Variants in GRAMD1B observed in about 807,000 individuals in gnomAD.
The protein encoded by GRAMD1B is GRAM domain containing 1B, also known as protein Aster-B.
In GRAMD1B, 37 loss-of-function variants were observed where a neutral mutation model predicts 99.7. That is an observed-to-expected ratio of 0.37 (90% CI 0.29 to 0.49). GRAMD1B has a LOEUF of 0.49. GRAMD1B is among the 20% of genes least tolerant of loss of function. The pLI, the probability that GRAMD1B is intolerant of heterozygous loss-of-function variation, is 0.98. For synonymous variants in GRAMD1B, 427 were observed against 387.6 expected, an observed-to-expected ratio of 1.10 and a Z score of -1.19; for missense variants, 888 against 1,009.2, an observed-to-expected ratio of 0.88 and a Z score of 1.63.
At chr11:123,442,349 G>A (rs917321660) in intron 1 of GRAMD1B, among the ~76,000 whole-genome samples, 13 of 152,130 alleles carry the variant, frequency 8.5e-5, no homozygotes, top group African/African-American at 1.9e-4. Flanking sequence ...TTTAGGGTTC[G>A]ATTAATTTAC....
At chr11:123,524,788 A>G (rs1049294422) in intron 2 of GRAMD1B, among the ~76,000 whole-genome samples, 2 of 152,230 alleles carry the variant, frequency 1.3e-5, no homozygotes, top group Non-Finnish European at 2.9e-5. Flanking sequence ...GTTTCTGGGT[A>G]AAGCTTTATT....
intron 17 of GRAMD1B, 128 bp downstream of exon 17, chr11:123,614,963 GTCT>G: frequency 1.8e-6 from 1 of 563,228 alleles, no homozygotes. Flanking sequence ...TTATCCTCTA[GTCT>G]TCTCTGTCTG....
intron 2 of GRAMD1B, chr11:123,560,327 G>A: frequency 8.6e-7 from 1 of 1,160,012 alleles, no homozygotes; most frequent in South Asian, 1.8e-5. Flanking sequence ...GGCAGAGAGA[G>A]AGAGGGACTT....
rs545026956 is a variant in GRAMD1B at position 123,527,603 on chromosome 11, T to C, written c.452+46710T>C. On this transcript the variant is annotated intron_variant, in intron 2 of 19. Coordinates refer to ENST00000635736, the MANE Select transcript of GRAMD1B (RefSeq NM_001387025.1). ...GGTGGGAGGCTATTAGCAGTGTTTA[T>C]TGTCACTGGGAGTTCCAGGTCCAGA... is the stretch of plus-strand genomic sequence containing the variant. Among the ~76,000 whole-genome samples, 4 of 152,270 alleles carry C rather than the reference T, an allele frequency of 2.6e-5. No individual in the cohort carries two copies. In the East Asian group the frequency reaches 7.7e-4, roughly 29 times the overall value.
upstream of GRAMD1B, among the ~76,000 whole-genome samples, chr11:123,428,780 G>A (rs1389800214): frequency 6.6e-6 from 1 of 152,182 alleles, no homozygotes; most frequent in African/African-American, 2.4e-5. Flanking sequence ...GTCCTGGCAC[G>A]GAAGCTGGGC....
intron 1 of GRAMD1B, among the ~76,000 whole-genome samples, chr11:123,466,446 GAAAGAGAA>G (rs1413456554): frequency 1.5e-4 from 22 of 149,576 alleles, no homozygotes; most frequent in African/African-American, 5.4e-4. Flanking sequence ...AAGAAAGAAA[GAAAGAGAA>G]AGAAAGAAAG....
chr11:123,533,051 C>T, intron 2 of GRAMD1B, among the ~76,000 whole-genome samples: 1 of 152,236 alleles, frequency 6.6e-6, no homozygotes, highest in Non-Finnish European at 1.5e-5. Flanking sequence ...CTTATCACAA[C>T]TTCCGCCTCC....
intron 1 of GRAMD1B, among the ~76,000 whole-genome samples, chr11:123,386,556 C>T (rs1947066314): frequency 6.6e-6 from 1 of 151,742 alleles, no homozygotes; most frequent in Non-Finnish European, 1.5e-5. Context: ...TCCTGCCTTA[C>T]CCTTCCAAGT....
rs535007705 is a variant in GRAMD1B at position 123,583,279 on chromosome 11, ATG to A, written c.664-1024_664-1023del. ...TGTGCACATGCGCATGTGTGTGTGC[ATG>A]TGTGTGTGGTGTGTGTGAATGTGTG... On this transcript the variant is annotated intron_variant, in intron 3 of 19. Coordinates refer to ENST00000635736, the MANE Select transcript of GRAMD1B (RefSeq NM_001387025.1). Among the ~76,000 whole-genome samples, 118 of 137,374 alleles carry A rather than the reference ATG, an allele frequency of 8.6e-4. No homozygotes were observed. The Middle Eastern group carries it at 0.017, about 20-fold the overall frequency. The allele number at this position is 137,374 out of a possible 152,430, so 90.1% of individuals were successfully genotyped here.
Position 123,610,363 on chromosome 11 carries a change from C to T in GRAMD1B, c.1919+25C>T, listed in dbSNP as rs771427393. ...GGTGTGGTGTGTGGAAGTCCCAGTGCGGTCAGACGGGGGTCCTTACCTTAG... is the reference window on the plus strand; with the variant it reads ...GGTGTGGTGTGTGGAAGTCCCAGTGTGGTCAGACGGGGGTCCTTACCTTAG... On this transcript the variant is annotated intron_variant, in intron 14 of 19. Coordinates refer to ENST00000635736, the MANE Select transcript of GRAMD1B (RefSeq NM_001387025.1). This position sits in a 1 kb window ranked among gnomAD's most constrained non-coding sequence, Gnocchi z 4.1. 8 of 1,611,070 alleles carry T rather than the reference C, an allele frequency of 5.0e-6. No homozygotes were observed. The highest frequency in any genetic ancestry group is 3.3e-5 in the South Asian group (3 of 91,018).
At chr11:123,485,849 G>C (rs1423085415) in intron 2 of GRAMD1B, among the ~76,000 whole-genome samples, 1 of 151,828 alleles carries the variant, frequency 6.6e-6, no homozygotes, top group Admixed American at 6.6e-5. Context: ...CGAGTAGCTG[G>C]GACTACAGGT....
At chr11:123,532,783 T>C (rs1943532646) in intron 2 of GRAMD1B, among the ~76,000 whole-genome samples, 1 of 152,248 alleles carries the variant, frequency 6.6e-6, no homozygotes, top group Non-Finnish European at 1.5e-5. Context: ...CCATACGTTT[T>C]ATTAGAACAC....
intron 2 of GRAMD1B, among the ~76,000 whole-genome samples, chr11:123,520,434 C>CT (rs1474555716): frequency 6.6e-6 from 1 of 152,010 alleles, no homozygotes; most frequent in Non-Finnish European, 1.5e-5. Context: ...TCTAAATACT[C>CT]TGTGTATTTT....
chr11:123,445,382 T>A (rs1485380381), intron 1 of GRAMD1B, among the ~76,000 whole-genome samples: 1 of 152,166 alleles, frequency 6.6e-6, no homozygotes, highest in African/African-American at 2.4e-5. Context: ...TTGGATGGAA[T>A]GGCAACCGTA....
intron 12 of GRAMD1B, 146 bp from the exon 13 acceptor site, chr11:123,609,649 C>G: frequency 1.7e-6 from 1 of 593,596 alleles, no homozygotes; most frequent in Middle Eastern, 4.1e-4. Context: ...TCCCACCCTC[C>G]CCCCGGCCCT....
chr11:123,561,287 G>A (rs923615853), intron 2 of GRAMD1B, among the ~76,000 whole-genome samples: 5 of 152,176 alleles, frequency 3.3e-5, no homozygotes, highest in Admixed American at 6.5e-5. Context: ...CAGTGCCTCC[G>A]GCGGGGGTAG....
intron 1 of GRAMD1B, among the ~76,000 whole-genome samples, chr11:123,411,195 G>A (rs776972931): frequency 1.3e-5 from 2 of 151,652 alleles, no homozygotes; most frequent in Non-Finnish European, 2.9e-5. Flanking sequence ...TAGTAGAGAC[G>A]GTATTTCACC....
At chr11:123,513,646 T>G (rs1018043730) in intron 2 of GRAMD1B, among the ~76,000 whole-genome samples, 1 of 28,480 alleles carries the variant, frequency 3.5e-5, no homozygotes, top group Non-Finnish European at 8.7e-5. Flanking sequence ...TTCTTTCTTT[T>G]TCTTACCTTT....
At chr11:123,608,617 T>A in intron 11 of GRAMD1B, 42 bp from the exon 12 acceptor site, 1 of 1,564,726 alleles carries the variant, frequency 6.4e-7, no homozygotes, top group Non-Finnish European at 8.7e-7. Flanking sequence ...CCCCTCCCCC[T>A]CCGCTGTCAC....
Sources: gnomAD v4.1 joint callset for allele counts (sites outside exome capture counted in the v4.1 genomes callset) on GRCh38, gnomAD v4.1.1 for gene constraint, Gnocchi (gnomAD v3.1) non-coding constraint, MANE v1.5 for transcripts, NCBI Gene and HGNC (gene_info 2026-07-23, HGNC 2026-07-21) for gene names.